ZMYM4: variants seen among roughly 807,000 people sequenced by gnomAD.
ZMYM4 encodes the protein zinc finger MYM-type containing 4, also known as zinc finger MYM-type protein 4.
Under a neutral mutation model 183.2 loss-of-function variants are expected in ZMYM4, and 31 were observed. The observed-to-expected ratio is 0.17, with a 90% CI of 0.13 to 0.23. The LOEUF (loss-of-function observed/expected upper bound fraction) is 0.23. Ranked by LOEUF, ZMYM4 falls within the 10% of genes least tolerant of loss-of-function variation. The pLI, the probability that ZMYM4 is intolerant of heterozygous loss-of-function variation, is 1.00. For synonymous variants in ZMYM4, 592 were observed against 631.2 expected (o/e 0.94, Z 0.93); for missense variants, 1,273 against 1,840.3 (o/e 0.69, Z 5.64).
Position 35,385,452 on chromosome 1 carries a change from A to C in ZMYM4, c.1580A>C (p.Lys527Thr), listed in dbSNP as rs201507849. 1 of 1,605,096 alleles carries C rather than the reference A, an allele frequency of 6.2e-7. No homozygotes were observed. The highest frequency in any genetic ancestry group is 1.1e-5 in the South Asian group (1 of 88,166). ...CITAYKQKSA[K>T]ITPCALCKSL... ...TTATTCTCTTAATAGAAATCAGCCAAAATTACACCGTGTGCGCTTTGCAAA... is the reference window on the plus strand; with the variant it reads ...TTATTCTCTTAATAGAAATCAGCCACAATTACACCGTGTGCGCTTTGCAAA... Residue 527 changes from lysine (K) to threonine (T), a missense_variant, in exon 10 of 30, where the codon AAA (lysine) becomes ACA (threonine). Physicochemically the swap from Lys to Thr is moderately conservative, Grantham distance 78. Coordinates refer to ENST00000314607, the MANE Select transcript of ZMYM4 (RefSeq NM_005095.3).
intron 1 of ZMYM4, among the ~76,000 whole-genome samples, chr1:35,282,474 G>A (rs1640222767): frequency 6.6e-6 from 1 of 152,144 alleles, no homozygotes; most frequent in Admixed American, 6.5e-5. Context: ...TTCTGTTACA[G>A]CAAGACTAAA....
intron 1 of ZMYM4, among the ~76,000 whole-genome samples, chr1:35,291,857 CT>C (rs1343222724): frequency 6.6e-6 from 1 of 151,880 alleles, no homozygotes; most frequent in African/African-American, 2.4e-5. Context: ...CCAGGCTGGT[CT>C]TGAACTCCTG....
chr1:35,398,741 C>A, intron 21 of ZMYM4, 123 bp from the exon 22 acceptor site: 1 of 977,474 alleles, frequency 1.0e-6, no homozygotes, highest in Non-Finnish European at 1.5e-6. Context: ...CTTGAGTGTA[C>A]CTAGGTAATT....
intron 1 of ZMYM4, among the ~76,000 whole-genome samples, chr1:35,280,299 C>A (rs943443950): frequency 2.1e-5 from 3 of 143,490 alleles, no homozygotes; most frequent in Non-Finnish European, 4.5e-5. Flanking sequence ...TCTCTTCTTT[C>A]TTTGTTTAAA....
At chr1:35,299,779 T>G (rs1164706092) in intron 1 of ZMYM4, among the ~76,000 whole-genome samples, 1 of 151,772 alleles carries the variant, frequency 6.6e-6, no homozygotes, top group Non-Finnish European at 1.5e-5. Flanking sequence ...CAACAGAGAT[T>G]CTTTCTTTCT....
intron 3 of ZMYM4, among the ~76,000 whole-genome samples, chr1:35,360,170 C>G (rs1471315457): frequency 6.6e-6 from 1 of 152,074 alleles, no homozygotes; most frequent in Non-Finnish European, 1.5e-5. Flanking sequence ...TCTAACTGCT[C>G]TACATCAAGA....
chr1:35,381,713 G>C lies in ZMYM4; in HGVS notation c.1524G>C (p.Gln508His). ...GQCHMLQIEG[Q>H]SKKFCSSSCI... ...GCCACATGCTTCAGATAGAGGGACA[G>C]TCTAAGAAGTTTTGTAGTTCATCGT... Residue 508 changes from glutamine to histidine, a missense_variant, in exon 9 of 30, where the codon CAG becomes CAC. This residue lies in a region of ZMYM4 where 319 missense variants were observed against 518.1 expected (regional missense o/e 0.62). Transcript: ENST00000314607. 6.2e-7 allele frequency: 1 copy of C among 1,614,208 alleles called. No homozygotes were observed. Among genetic ancestry groups the C allele is most frequent in the Non-Finnish European group, 8.5e-7 (1 of 1,180,044 alleles).
chr1:35,377,524 A>G (rs1644361094), intron 7 of ZMYM4, among the ~76,000 whole-genome samples: 1 of 152,222 alleles, frequency 6.6e-6, no homozygotes, highest in African/African-American at 2.4e-5. Flanking sequence ...GACCACCTCA[A>G]TAAAGCAATT....
intron 1 of ZMYM4, among the ~76,000 whole-genome samples, chr1:35,273,745 T>A (rs1342368369): frequency 1.3e-5 from 2 of 152,130 alleles, no homozygotes; most frequent in Non-Finnish European, 2.9e-5. Context: ...TGTATGAACT[T>A]AGAGAAAATT....
chr1:35,355,325 G>A (rs1423142213), intron 2 of ZMYM4, among the ~76,000 whole-genome samples: 2 of 151,422 alleles, frequency 1.3e-5, no homozygotes, highest in African/African-American at 4.9e-5. Context: ...GGGATTACAG[G>A]CGTGAGCCAC....
At chr1:35,365,889 C>T (rs1009600602) in intron 5 of ZMYM4, 9 of 151,988 alleles carry the variant, frequency 5.9e-5, no homozygotes, top group African/African-American at 2.2e-4. Flanking sequence ...CATGATTGTG[C>T]CTTGAAGGCA....
chr1:35,273,313 A>G (rs535054718), intron 1 of ZMYM4, among the ~76,000 whole-genome samples: 29 of 152,300 alleles, frequency 1.9e-4, no homozygotes, highest in South Asian at 1.5e-3. Context: ...TAAAGTTGGC[A>G]TATTATTTAA....
chr1:35,379,852 A>G (rs1644415083), intron 7 of ZMYM4, among the ~76,000 whole-genome samples: 1 of 152,264 alleles, frequency 6.6e-6, no homozygotes, highest in Non-Finnish European at 1.5e-5. Flanking sequence ...TGGAGCAGTC[A>G]GAACACACAC....
At chr1:35,295,296 T>C (rs1640952313) in intron 1 of ZMYM4, among the ~76,000 whole-genome samples, 1 of 152,128 alleles carries the variant, frequency 6.6e-6, no homozygotes, top group Admixed American at 6.6e-5. Context: ...GGGTATCTGA[T>C]AGGAGGAACA....
chr1:35,407,244 A>G (rs1645019070), intron 25 of ZMYM4, among the ~76,000 whole-genome samples: 1 of 151,884 alleles, frequency 6.6e-6, no homozygotes, highest in Admixed American at 6.6e-5. Flanking sequence ...GACCAGCCTG[A>G]CCAACATGGA....
intron 4 of ZMYM4, among the ~76,000 whole-genome samples, 177 bp downstream of exon 4, chr1:35,361,432 G>A (rs575324536): frequency 6.6e-6 from 1 of 151,814 alleles, no homozygotes; most frequent in East Asian, 1.9e-4. Flanking sequence ...TCAAATCTTA[G>A]GGTCTTTATT....
Position 35,381,415 on chromosome 1 carries a change from G to T in ZMYM4, c.1338G>T (p.Met446Ile). The T allele has an allele frequency of 6.2e-7, 1 of 1,608,476 alleles. No individual in the cohort carries two copies. Among genetic ancestry groups the T allele is most frequent in the Non-Finnish European group, 8.5e-7 (1 of 1,176,218 alleles). ...NTNSISTKCS[M>I]CQKNAVIRHE... ...ATAGTATTTCAACCAAATGCAGCAT[G>T]TGTCAGAAGAATGCTGTTGTAAGTT... The change falls in exon 8 of 30, where the codon ATG becomes ATT. Residue 446 changes from methionine to isoleucine, a missense_variant. Around this residue, in one of 6 missense-constraint regions of ZMYM4, gnomAD observed 319 missense variants for 518.1 expected, o/e 0.62. Coordinates refer to ENST00000314607, the MANE Select transcript of ZMYM4 (RefSeq NM_005095.3).
intron 1 of ZMYM4, among the ~76,000 whole-genome samples, chr1:35,282,400 C>T (rs1640219291): frequency 6.6e-6 from 1 of 152,234 alleles, no homozygotes; most frequent in South Asian, 2.1e-4. Flanking sequence ...TTTTGGACTT[C>T]CCAGCCACCA....
chr1:35,386,410 A>G (rs887828989), intron 11 of ZMYM4, among the ~76,000 whole-genome samples: 5 of 152,216 alleles, frequency 3.3e-5, no homozygotes, highest in Non-Finnish European at 7.3e-5. Context: ...CACGTCTTAC[A>G]TGATGGGCTC....
Sources: allele counts gnomAD v4.1 joint callset (sites outside exome capture counted in the v4.1 genomes callset), GRCh38; gene constraint gnomAD v4.1.1; regional missense constraint gnomAD v4.1.1; transcripts MANE v1.5; gene names NCBI Gene and HGNC (gene_info 2026-07-23, HGNC 2026-07-21).